The following BRINP2 variants were observed in gnomAD, a reference collection of about 807,000 sequenced individuals.
BRINP2 encodes the protein BMP/retinoic acid inducible neural specific 2.
In BRINP2, 21 loss-of-function variants were observed where a neutral mutation model predicts 69.2. The observed-to-expected ratio is 0.30, with a 90% CI of 0.22 to 0.44. The LOEUF (loss-of-function observed/expected upper bound fraction) is 0.44, where lower values mean the gene tolerates loss of function less well. Ranked by LOEUF, BRINP2 falls within the 20% of genes least tolerant of loss-of-function variation. The pLI is 1.00. For synonymous variants in BRINP2, 380 were observed against 394.1 expected (o/e 0.96, Z 0.42); for missense variants, 877 against 986.0 (o/e 0.89, Z 1.48).
chr1:177,245,825 C>T (rs147478098), intron 2 of BRINP2, among the ~76,000 whole-genome samples: 1 of 152,300 alleles, frequency 6.6e-6, no homozygotes, highest in Non-Finnish European at 1.5e-5. Flanking sequence ...CCCACCAGGG[C>T]AGTGTGAGAA....
At chr1:177,276,476 TGAGGTACA>T (rs767111559) in intron 6 of BRINP2, 42 bp downstream of exon 6, 1 of 1,577,016 alleles carries the variant, frequency 6.3e-7, no homozygotes, top group Admixed American at 1.7e-5. Flanking sequence ...GAGGTGGCTG[TGAGGTACA>T]GAGCAAGAAC....
intron 1 of BRINP2, among the ~76,000 whole-genome samples, chr1:177,188,234 T>C (rs564785359): frequency 7.9e-5 from 12 of 152,294 alleles, no homozygotes; most frequent in South Asian, 2.1e-4. Context: ...CAAGCTCATA[T>C]AACAAAAATA....
chr1:177,247,229 T>C (rs75699111), intron 2 of BRINP2, among the ~76,000 whole-genome samples: 1 of 152,244 alleles, frequency 6.6e-6, no homozygotes, highest in South Asian at 2.1e-4. Flanking sequence ...TGAAATTCTT[T>C]AGGAAAATCA....
At chr1:177,226,038 C>T (rs910188141) in intron 1 of BRINP2, among the ~76,000 whole-genome samples, 38 of 152,206 alleles carry the variant, frequency 2.5e-4, no homozygotes, top group Admixed American at 1.2e-3. Context: ...TCTGAAAAAG[C>T]ATAATTACAA....
chr1:177,205,778 T>A (rs1017454442), intron 1 of BRINP2, among the ~76,000 whole-genome samples: 1 of 152,160 alleles, frequency 6.6e-6, no homozygotes, highest in East Asian at 1.9e-4. Context: ...ATACCAATAG[T>A]TCTTGGTGAG....
chr1:177,184,050 C>G (rs1571884647), intron 1 of BRINP2, among the ~76,000 whole-genome samples: 1 of 152,110 alleles, frequency 6.6e-6, no homozygotes, highest in Non-Finnish European at 1.5e-5. Context: ...GACCAGATAC[C>G]CAGCTCCTTA....
intron 1 of BRINP2, among the ~76,000 whole-genome samples, chr1:177,218,741 A>G (rs1172234822): frequency 6.6e-6 from 1 of 152,166 alleles, no homozygotes; most frequent in Non-Finnish European, 1.5e-5. Flanking sequence ...AGGAAGGGCA[A>G]CGTGGTCAAA....
intron 2 of BRINP2, among the ~76,000 whole-genome samples, chr1:177,233,711 TG>T (rs1649931797): frequency 6.6e-6 from 1 of 152,210 alleles, no homozygotes; most frequent in South Asian, 2.1e-4. Flanking sequence ...TTACTGGCCT[TG>T]TGGGCTACCA....
At chr1:177,210,422 G>A (rs912938537) in intron 1 of BRINP2, among the ~76,000 whole-genome samples, 1 of 152,024 alleles carries the variant, frequency 6.6e-6, no homozygotes, top group Admixed American at 6.6e-5. Flanking sequence ...AAAATGAAAA[G>A]AGTACACTGC....
intron 1 of BRINP2, among the ~76,000 whole-genome samples, chr1:177,200,073 T>C (rs1648857479): frequency 6.6e-6 from 1 of 151,852 alleles, no homozygotes; most frequent in African/African-American, 2.4e-5. Flanking sequence ...AGGGGGATCA[T>C]CTGTGGTCAG....
intron 2 of BRINP2, 50 bp from the exon 3 acceptor site, chr1:177,255,869 T>G: frequency 6.3e-7 from 1 of 1,576,628 alleles, no homozygotes; most frequent in African/African-American, 1.4e-5. Flanking sequence ...TTTATGCCTC[T>G]TGCTCTGAAA....
intron 2 of BRINP2, among the ~76,000 whole-genome samples, chr1:177,247,980 G>A (rs1048095118): frequency 1.3e-5 from 2 of 152,158 alleles, no homozygotes; most frequent in African/African-American, 4.8e-5. Context: ...GGATAGAGCT[G>A]CATGCTTAGG....
intron 4 of BRINP2, among the ~76,000 whole-genome samples, chr1:177,261,272 G>A (rs1043980780): frequency 6.6e-6 from 1 of 152,120 alleles, no homozygotes; most frequent in East Asian, 1.9e-4. Context: ...AAAGAAAGGG[G>A]GATCCTGGAG....
chr1:177,195,862 GC>G (rs1357639510), intron 1 of BRINP2, among the ~76,000 whole-genome samples: 1 of 151,978 alleles, frequency 6.6e-6, no homozygotes, highest in Non-Finnish European at 1.5e-5. Flanking sequence ...TAGGCCAAGA[GC>G]AAAAAAACCT....
At chr1:177,225,614 G>A (rs1210532478) in intron 1 of BRINP2, among the ~76,000 whole-genome samples, 2 of 152,150 alleles carry the variant, frequency 1.3e-5, no homozygotes, top group Non-Finnish European at 2.9e-5. Context: ...TGCTTGACAG[G>A]TTGCTGCAGC....
chr1:177,277,425 T>A (rs1032997931), intron 6 of BRINP2, among the ~76,000 whole-genome samples: 1 of 151,570 alleles, frequency 6.6e-6, no homozygotes, highest in Non-Finnish European at 1.5e-5. Flanking sequence ...GAAAAAAAAA[T>A]CTGAAGCCAA....
chr1:177,182,749 C>T (rs540843117), intron 1 of BRINP2, among the ~76,000 whole-genome samples: 2 of 152,254 alleles, frequency 1.3e-5, no homozygotes, highest in Admixed American at 6.5e-5. Context: ...GGCTCTGCTA[C>T]GTACCATGTA....
intron 4 of BRINP2, among the ~76,000 whole-genome samples, chr1:177,262,990 T>C (rs1455215575): frequency 1.3e-5 from 2 of 151,932 alleles, no homozygotes; most frequent in Non-Finnish European, 2.9e-5. Flanking sequence ...AGACAAAGAG[T>C]TGGATTTAAC....
intron 1 of BRINP2, among the ~76,000 whole-genome samples, chr1:177,183,737 C>A (rs1648334806): frequency 6.6e-6 from 1 of 152,126 alleles, no homozygotes; most frequent in Non-Finnish European, 1.5e-5. Flanking sequence ...ACGTGGTGAA[C>A]CATCATATTA....
Sources: gnomAD v4.1 joint callset for allele counts (sites outside exome capture counted in the v4.1 genomes callset) on GRCh38, gnomAD v4.1.1 for gene constraint, MANE v1.5 for transcripts, NCBI Gene and HGNC (gene_info 2026-07-23, HGNC 2026-07-21) for gene names.